The following PXDN variants were observed in gnomAD, a reference collection of about 807,000 sequenced individuals.
PXDN encodes peroxidasin.
Under a neutral mutation model 140.3 loss-of-function variants are expected in PXDN, and 77 were observed. The observed-to-expected ratio is 0.55, with a 90% CI of 0.46 to 0.66. The LOEUF (loss-of-function observed/expected upper bound fraction) is 0.66. PXDN is among the 30% of genes least tolerant of loss of function. The pLI is 0.00. For synonymous variants in PXDN, 911 were observed against 857.4 expected, an observed-to-expected ratio of 1.06 and a Z score of -1.09; for missense variants, 1,838 against 2,039.5, an observed-to-expected ratio of 0.90 and a Z score of 1.90.
chr2:1,636,308 C>G (rs1175874982), intron 21 of PXDN: 2 of 152,468 alleles, frequency 1.3e-5, no homozygotes, highest in African/African-American at 4.8e-5. Context: ...TTCTAATAAG[C>G]CTTCATAAAG....
rs147770253 is a variant in PXDN at position 1,731,765 on chromosome 2, C to T, written c.200+12491G>A. Among the ~76,000 whole-genome samples, 579 of 152,270 alleles carry T rather than the reference C, an allele frequency of 3.8e-3. 1 individual carries two copies. The highest frequency in any genetic ancestry group is 0.013 in the African/African-American group (560 of 41,558). On this transcript the variant is annotated intron_variant, in intron 1 of 22. Coordinates refer to ENST00000252804, the MANE Select transcript of PXDN (RefSeq NM_012293.3). The stretch of plus-strand genomic sequence containing the variant: ...CAGTGAAGAGCTGCCCAGCCAAGAA[C>T]ATTTGCACGGGGTTTTGTGTGAGTG...
At chr2:1,695,056 T>C (rs1684270110) in intron 1 of PXDN, among the ~76,000 whole-genome samples, 1 of 152,180 alleles carries the variant, frequency 6.6e-6, no homozygotes, top group Non-Finnish European at 1.5e-5. Flanking sequence ...GAGCAGAGGA[T>C]GGAGTGAGCC....
chr2:1,662,616 C>T (rs1477871889), intron 12 of PXDN, among the ~76,000 whole-genome samples: 1 of 152,200 alleles, frequency 6.6e-6, no homozygotes, highest in African/African-American at 2.4e-5. Flanking sequence ...GGAGCTTCCT[C>T]CTCTGAAAGA....
intron 1 of PXDN, among the ~76,000 whole-genome samples, chr2:1,700,491 C>T (rs1684400022): frequency 6.6e-6 from 1 of 152,134 alleles, no homozygotes; most frequent in South Asian, 2.1e-4. Flanking sequence ...ATTTTAAGCT[C>T]CTCATTAAGG....
intron 1 of PXDN, among the ~76,000 whole-genome samples, chr2:1,693,627 G>C (rs1320629218): frequency 6.6e-6 from 1 of 152,194 alleles, no homozygotes; most frequent in East Asian, 1.9e-4. Context: ...CCACAAAAGT[G>C]AATTCAGCAC....
At chr2:1,737,610 A>G (rs950975694) in intron 1 of PXDN, among the ~76,000 whole-genome samples, 2 of 151,668 alleles carry the variant, frequency 1.3e-5, no homozygotes, top group South Asian at 2.1e-4. Flanking sequence ...CACGATCTCA[A>G]CTCACTGCAA....
intron 16 of PXDN, among the ~76,000 whole-genome samples, chr2:1,650,873 A>G (rs927267070): frequency 6.6e-6 from 1 of 152,072 alleles, no homozygotes; most frequent in African/African-American, 2.4e-5. Context: ...GATCACAGGT[A>G]TCACTATGGA....
intron 3 of PXDN, among the ~76,000 whole-genome samples, chr2:1,691,459 G>A (rs78496705): frequency 0.043 from 6,596 of 152,274 alleles, 449 homozygotes; most frequent in East Asian, 0.29. Flanking sequence ...ATCACTTAGC[G>A]GGAGACAGGA....
In PXDN at chr2:1,660,373, G is replaced by T. The variant is rs80058563; in HGVS notation, c.1837+508C>A. ...ACAGATGCAGGCATGGAGTCAGGAC[G>T]GCTCTAGGACCACCGACTGGATCTA... On this transcript the variant is annotated intron_variant, in intron 14 of 22. Coordinates refer to ENST00000252804, the MANE Select transcript of PXDN (RefSeq NM_012293.3). This position sits in a 1 kb window ranked among gnomAD's most constrained non-coding sequence, Gnocchi z 4.6. Among the ~76,000 whole-genome samples, 1 of 152,110 alleles carries T rather than the reference G, an allele frequency of 6.6e-6. No homozygotes were observed. Among genetic ancestry groups the T allele is most frequent in the East Asian group, 1.9e-4 (1 of 5,176 alleles).
chr2:1,654,858 A>G (rs1382271971), intron 14 of PXDN, among the ~76,000 whole-genome samples: 3 of 152,084 alleles, frequency 2.0e-5, no homozygotes, highest in African/African-American at 7.2e-5. Context: ...GTCTGTGGAG[A>G]CACCTCAGTG....
rs748463199 is a variant in PXDN at position 1,654,454 on chromosome 2, G to A, written c.1892C>T (p.Ala631Val). ...TATAGCTCTGTCAACAGTCGCAATC[G>A]CTTCCACGATGGAGGTAGCTACAAA... is the stretch of plus-strand genomic sequence containing the variant. Reference protein sequence around the residue: ...DPFVATSIVEAIATVDRAINS... With the variant: ...DPFVATSIVEVIATVDRAINS... Residue 631 changes from alanine to valine, a missense_variant, in exon 15 of 23, where the codon GCG becomes GTG. By Grantham distance (64) the Ala-to-Val change is moderately conservative. Transcript: ENST00000252804. The A allele has an allele frequency of 1.1e-5, 18 of 1,613,636 alleles. No individual in the cohort carries two copies. Among genetic ancestry groups the A allele is most frequent in the South Asian group, 2.2e-5 (2 of 91,080 alleles).
chr2:1,716,007 C>T (rs1320414103), intron 1 of PXDN, among the ~76,000 whole-genome samples: 4 of 152,204 alleles, frequency 2.6e-5, no homozygotes, highest in African/African-American at 4.8e-5. Context: ...TCTAATTTGA[C>T]GGCAGGTGGT....
chr2:1,744,845 C>A (rs571852596), upstream of PXDN: 56 of 176,962 alleles, frequency 3.2e-4, no homozygotes, highest in Non-Finnish European at 5.1e-4. Flanking sequence ...TTTTAGTTGG[C>A]GCCTTAATGT....
chr2:1,722,450 A>T (rs1349724254), intron 1 of PXDN, among the ~76,000 whole-genome samples: 1 of 152,206 alleles, frequency 6.6e-6, no homozygotes, highest in East Asian at 1.9e-4. Flanking sequence ...CAGCATCCAG[A>T]TTCTAGCTGG....
chr2:1,713,711 G>A (rs946399868), intron 1 of PXDN, among the ~76,000 whole-genome samples: 1 of 152,220 alleles, frequency 6.6e-6, no homozygotes, highest in African/African-American at 2.4e-5. Flanking sequence ...CAGTGCCTCC[G>A]GAGCATGGGG....
chr2:1,736,344 T>C (rs1308478812), intron 1 of PXDN, among the ~76,000 whole-genome samples: 1 of 152,176 alleles, frequency 6.6e-6, no homozygotes, highest in Non-Finnish European at 1.5e-5. Context: ...ACTGTAGGGT[T>C]ATCAACTGGC....
intron 15 of PXDN, chr2:1,654,114 C>T (rs1424060132): frequency 2.1e-6 from 1 of 476,702 alleles, no homozygotes; most frequent in African/African-American, 2.0e-5. Context: ...TTGTTTTTGC[C>T]AAATCATTTA....
chr2:1,634,089 C>T lies in PXDN; in HGVS notation c.*115G>A. 1 of 1,442,334 alleles carries T rather than the reference C, an allele frequency of 6.9e-7. No homozygotes were observed. The highest frequency in any genetic ancestry group is 9.3e-7 in the Non-Finnish European group (1 of 1,071,690). 89.3% of individuals were successfully genotyped at this position (1,442,334 alleles called of 1,614,324 possible). A position where few individuals can be genotyped will look rare whatever the true frequency, so the allele number is the denominator to read the frequency against. On this transcript the variant is annotated 3_prime_UTR_variant, in exon 23 of 23. Coordinates refer to ENST00000252804, the MANE Select transcript of PXDN (RefSeq NM_012293.3). ...TGTAACAGCACCAGCTGGACGTTGT[C>T]ATGAAATGTCACGAGTTCTGGGTGT...
intron 7 of PXDN, 106 bp downstream of exon 7, chr2:1,680,087 G>A: frequency 1.5e-6 from 2 of 1,323,768 alleles, no homozygotes; most frequent in Non-Finnish European, 2.0e-6. Flanking sequence ...GTGTAAATGT[G>A]TGTGTGTGGT....
Sources: gnomAD v4.1 joint callset for allele counts (sites outside exome capture counted in the v4.1 genomes callset) on GRCh38, gnomAD v4.1.1 for gene constraint, Gnocchi (gnomAD v3.1) non-coding constraint, MANE v1.5 for transcripts, NCBI Gene and HGNC (gene_info 2026-07-23, HGNC 2026-07-21) for gene names.